Variants in MCCC1 observed in about 807,000 individuals in gnomAD.
MCCC1 encodes methylcrotonoyl-CoA carboxylase subunit alpha, mitochondrial.
Under a neutral mutation model 83.8 loss-of-function variants are expected in MCCC1, and 64 were observed. The observed-to-expected ratio is 0.76, with a 90% CI of 0.62 to 0.94. The LOEUF (loss-of-function observed/expected upper bound fraction) is 0.94, where lower values mean the gene tolerates loss of function less well. Among genes scored for constraint, MCCC1 ranks in the 40% least tolerant of loss-of-function variants. The pLI is 0.00. For missense variants in MCCC1, 807 were observed against 904.7 expected, an observed-to-expected ratio of 0.89 and a Z score of 1.39; for synonymous variants, 322 against 315.4, an observed-to-expected ratio of 1.02 and a Z score of -0.22.
At chr3:183,032,327 G>A (rs57426709) in intron 14 of MCCC1, among the ~76,000 whole-genome samples, 12,296 of 152,114 alleles carry the variant, frequency 0.081, 1,499 homozygotes, top group African/African-American at 0.26. Context: ...AAACTTTACC[G>A]CTTTTGATAT....
upstream of MCCC1, among the ~76,000 whole-genome samples, chr3:183,104,316 A>T (rs1274517597): frequency 1.3e-5 from 2 of 151,706 alleles, no homozygotes; most frequent in East Asian, 3.9e-4. Context: ...TCTCAGTTTC[A>T]CCATGTTGGC....
intron 7 of MCCC1, among the ~76,000 whole-genome samples, chr3:183,067,138 C>T (rs1716313398): frequency 6.6e-6 from 1 of 152,164 alleles, no homozygotes; most frequent in Non-Finnish European, 1.5e-5. Flanking sequence ...CTTGTAAAGC[C>T]AATAAAAGCC....
chr3:183,111,162 C>T (rs933123694), intron 1 of MCCC1, among the ~76,000 whole-genome samples: 4 of 152,200 alleles, frequency 2.6e-5, no homozygotes, highest in African/African-American at 9.7e-5. Context: ...ACAGGATACA[C>T]AGCATGGTAA....
At chr3:183,028,394 T>C (rs1034994289) in intron 14 of MCCC1, among the ~76,000 whole-genome samples, 1 of 152,236 alleles carries the variant, frequency 6.6e-6, no homozygotes, top group Non-Finnish European at 1.5e-5. Context: ...TCATGCCTGC[T>C]AAGACAACAT....
At chr3:183,076,935 T>G (rs1317206485) in intron 4 of MCCC1, among the ~76,000 whole-genome samples, 5 of 152,216 alleles carry the variant, frequency 3.3e-5, no homozygotes, top group Non-Finnish European at 7.4e-5. Flanking sequence ...ATCTACTGTC[T>G]CTATAGATTT....
chr3:183,039,001 A>G (rs1713845907), intron 12 of MCCC1, 25 bp downstream of exon 12: 1 of 1,603,364 alleles, frequency 6.2e-7, no homozygotes, highest in South Asian at 1.1e-5. Flanking sequence ...CATCAAGGTC[A>G]CTGGCACGGT....
At chr3:183,093,553 A>G (rs576487982) in intron 2 of MCCC1, among the ~76,000 whole-genome samples, 2 of 152,340 alleles carry the variant, frequency 1.3e-5, no homozygotes, top group East Asian at 3.9e-4. Context: ...GCATATATAA[A>G]ATGTACTTCT....
intron 1 of MCCC1, among the ~76,000 whole-genome samples, chr3:183,104,952 C>T (rs1719382634): frequency 6.6e-6 from 1 of 152,192 alleles, no homozygotes; most frequent in Non-Finnish European, 1.5e-5. Context: ...TGGAATTCAC[C>T]TACAGATATA....
chr3:183,051,138 T>C (rs1240629712), intron 9 of MCCC1, among the ~76,000 whole-genome samples: 1 of 152,210 alleles, frequency 6.6e-6, no homozygotes, highest in African/African-American at 2.4e-5. Context: ...AATATTCTTT[T>C]ACCATGTGAC....
chr3:183,072,433 A>G lies in MCCC1; in HGVS notation c.424T>C (p.Cys142Arg). 6.2e-7 allele frequency: 1 copy of G among 1,613,912 alleles called. No homozygotes were observed. Residue 142 changes from cysteine to arginine, a missense_variant, in exon 5 of 19, where the codon TGT (cysteine) becomes CGT (arginine). Coordinates refer to ENST00000265594, the MANE Select transcript of MCCC1 (RefSeq NM_020166.5). Reference sequence around the variant, plus strand: ...ATAAAAATAATTCCTTCTTGCTTACAAAGTTCAGCAAATTCCATGTTTTCT... The same window carrying G: ...ATAAAAATAATTCCTTCTTGCTTACGAAGTTCAGCAAATTCCATGTTTTCT... Reference protein sequence around the residue: ...LSENMEFAELCKQEGIIFIGP... With the variant: ...LSENMEFAELRKQEGIIFIGP...
At chr3:183,046,220 T>C (rs981302767) in intron 9 of MCCC1, among the ~76,000 whole-genome samples, 1 of 152,202 alleles carries the variant, frequency 6.6e-6, no homozygotes, top group African/African-American at 2.4e-5. Flanking sequence ...CACTAAACCC[T>C]GGGATCCAGG....
chr3:183,062,599 C>A (rs1240253943), intron 7 of MCCC1, among the ~76,000 whole-genome samples: 2 of 152,158 alleles, frequency 1.3e-5, no homozygotes, highest in African/African-American at 2.4e-5. Context: ...AGGCAATCTG[C>A]CCGCCATGGC....
chr3:183,018,625 A>G (rs558085305), intron 17 of MCCC1, among the ~76,000 whole-genome samples: 1 of 152,372 alleles, frequency 6.6e-6, no homozygotes, highest in South Asian at 2.1e-4. Context: ...TTTTACTTGA[A>G]TCACATGAAT....
chr3:183,063,121 C>T (rs1377590094), intron 7 of MCCC1, among the ~76,000 whole-genome samples: 1 of 151,952 alleles, frequency 6.6e-6, no homozygotes, highest in Non-Finnish European at 1.5e-5. Context: ...GTAGCTGGGA[C>T]TACAGGCGTC....
intron 1 of MCCC1, among the ~76,000 whole-genome samples, chr3:183,107,280 C>T (rs1719420642): frequency 6.6e-6 from 1 of 151,778 alleles, no homozygotes; most frequent in African/African-American, 2.4e-5. Flanking sequence ...TGGTGGCATG[C>T]ACCTGTAGTC....
At chr3:183,085,089 A>G (rs1717794004) in intron 4 of MCCC1, among the ~76,000 whole-genome samples, 1 of 152,200 alleles carries the variant, frequency 6.6e-6, no homozygotes, top group Non-Finnish European at 1.5e-5. Flanking sequence ...AGAACAAGAA[A>G]TCAAATGCGG....
At chr3:183,024,852 C>T (rs1249638495) in intron 15 of MCCC1, among the ~76,000 whole-genome samples, 1 of 151,696 alleles carries the variant, frequency 6.6e-6, no homozygotes, top group Non-Finnish European at 1.5e-5. Flanking sequence ...CTGTTCATAG[C>T]AGCATTATTC....
At chr3:183,057,473 A>G in intron 7 of MCCC1, 51 bp from the exon 8 acceptor site, 2 of 1,382,752 alleles carry the variant, frequency 1.4e-6, no homozygotes, top group Non-Finnish European at 2.0e-6. Context: ...GGTGATAAAT[A>G]TCACATTCGT....
chr3:183,037,622 A>G (rs1202572081), intron 12 of MCCC1, among the ~76,000 whole-genome samples, 188 bp from the exon 13 acceptor site: 3 of 152,238 alleles, frequency 2.0e-5, no homozygotes, highest in Non-Finnish European at 2.9e-5. Flanking sequence ...CCATCTCACT[A>G]TCACTATGTC....
Sources: allele counts gnomAD v4.1 joint callset (sites outside exome capture counted in the v4.1 genomes callset), GRCh38; gene constraint gnomAD v4.1.1; transcripts MANE v1.5; gene names NCBI Gene and HGNC (gene_info 2026-07-23, HGNC 2026-07-21).